The following N4BP2 variants were observed in gnomAD, a reference collection of about 807,000 sequenced individuals.
The protein encoded by N4BP2 is NEDD4 binding protein 2, also known as NEDD4-binding protein 2.
Under a neutral mutation model 152.8 loss-of-function variants are expected in N4BP2, and 91 were observed. The ratio of observed to expected loss-of-function variants is 0.60; its 90% confidence interval spans 0.50 to 0.71. The LOEUF (loss-of-function observed/expected upper bound fraction) is 0.71. Among genes scored for constraint, N4BP2 ranks in the 30% least tolerant of loss-of-function variants. The pLI is 0.00. For synonymous variants in N4BP2, 646 were observed against 705.3 expected, an observed-to-expected ratio of 0.92 and a Z score of 1.33; for missense variants, 1,923 against 2,059.1, an observed-to-expected ratio of 0.93 and a Z score of 1.28.
rs752289474 is a variant in N4BP2 at position 40,120,732 on chromosome 4, T to C, written c.2621T>C (p.Ile874Thr). ...NSYKYDAYKN[I>T]DKNSFNIMGD... Reference sequence around the variant, plus strand: ...TATAAATATGATGCTTATAAAAATATTGACAAAAACTCATTCAACATTATG... The same window carrying C: ...TATAAATATGATGCTTATAAAAATACTGACAAAAACTCATTCAACATTATG... Residue 874 changes from isoleucine to threonine, a missense_variant, in exon 9 of 18, where the codon ATT becomes ACT. Coordinates refer to ENST00000261435, the MANE Select transcript of N4BP2 (RefSeq NM_018177.6). 3 of 1,614,096 alleles carry C rather than the reference T, an allele frequency of 1.9e-6. No individual in the cohort carries two copies. Among genetic ancestry groups the C allele is most frequent in the Non-Finnish European group, 2.5e-6 (3 of 1,180,004 alleles).
chr4:40,167,255 A>G, the N4BP2 span: 1 of 152,208 alleles, frequency 6.6e-6, no homozygotes, highest in African/African-American at 2.4e-5. Flanking sequence ...CCAGAGTGAA[A>G]TACAAGAGAA....
chr4:40,102,273 A>T lies in N4BP2; in HGVS notation c.428A>T (p.Asp143Val). 1 of 1,613,592 alleles carries T rather than the reference A, an allele frequency of 6.2e-7. No individual in the cohort carries two copies. The highest frequency in any genetic ancestry group is 8.5e-7 in the Non-Finnish European group (1 of 1,179,788). The change falls in exon 4 of 18, where the codon GAT becomes GTT. Residue 143 changes from aspartate (D) to valine (V), a missense_variant. Asp to Val is a radical substitution (Grantham distance 152, BLOSUM62 -3). Transcript: ENST00000261435. ...GACATGCAGCTAACTGAAGACCTGGATTCCTTAATACAGAATGCTTTTGAG... is the reference window on the plus strand; with the variant it reads ...GACATGCAGCTAACTGAAGACCTGGTTTCCTTAATACAGAATGCTTTTGAG... ...FLDMQLTEDL[D>V]SLIQNAFEKL... is the part of the protein sequence containing the mutation.
intron 2 of N4BP2, among the ~76,000 whole-genome samples, chr4:40,080,991 T>A (rs1193393928): frequency 6.6e-6 from 1 of 151,740 alleles, no homozygotes; most frequent in African/African-American, 2.4e-5. Context: ...ACACTAAACA[T>A]TATTTGGACA....
intron 5 of N4BP2, among the ~76,000 whole-genome samples, chr4:40,107,564 T>C (rs1337479448): frequency 6.6e-6 from 1 of 151,838 alleles, no homozygotes; most frequent in Non-Finnish European, 1.5e-5. Context: ...TTGTATTTTT[T>C]ATAGAGACGG....
intron 1 of N4BP2, among the ~76,000 whole-genome samples, chr4:40,069,032 A>T (rs563209040): frequency 6.6e-6 from 1 of 152,136 alleles, no homozygotes. Flanking sequence ...AGGCAGGAGA[A>T]TCGCTTGAAC....
chr4:40,125,952 A>G (rs1178661522), intron 11 of N4BP2, among the ~76,000 whole-genome samples, 182 bp from the exon 12 acceptor site: 1 of 152,136 alleles, frequency 6.6e-6, no homozygotes, highest in African/African-American at 2.4e-5. Context: ...ACATTAACAC[A>G]TACTATTTCT....
the N4BP2 span, among the ~76,000 whole-genome samples, chr4:40,165,051 G>T: frequency 6.6e-6 from 1 of 151,790 alleles, no homozygotes; most frequent in African/African-American, 2.4e-5. Context: ...ATAATTTTTG[G>T]CAGTGGGTTA....
At chr4:40,095,042 C>T (rs2109948130) in intron 2 of N4BP2, among the ~76,000 whole-genome samples, 4 of 150,722 alleles carry the variant, frequency 2.7e-5, no homozygotes, top group Admixed American at 2.6e-4. Flanking sequence ...GTCCAACGTG[C>T]TGGGATTACA....
chr4:40,164,860 CTATT>C, the N4BP2 span, among the ~76,000 whole-genome samples: 3 of 152,058 alleles, frequency 2.0e-5, no homozygotes, highest in African/African-American at 7.2e-5. Flanking sequence ...TGTGGTTTCC[CTATT>C]TATTTAAACA....
intron 7 of N4BP2, 25 bp from the exon 8 acceptor site, chr4:40,117,844 C>A: frequency 6.3e-7 from 1 of 1,575,696 alleles, no homozygotes; most frequent in South Asian, 1.2e-5. Flanking sequence ...ATTCCTTCAA[C>A]CCTTTTTTCC....
intron 2 of N4BP2, among the ~76,000 whole-genome samples, chr4:40,078,416 T>C (rs1209914771): frequency 6.6e-6 from 1 of 151,532 alleles, no homozygotes; most frequent in Non-Finnish European, 1.5e-5. Flanking sequence ...GGATTACAGA[T>C]GTGAGCCACC....
At chr4:40,170,627 AG>A in the N4BP2 span, among the ~76,000 whole-genome samples, 1 of 152,102 alleles carries the variant, frequency 6.6e-6, no homozygotes, top group Admixed American at 6.5e-5. Context: ...TGACCAAGTG[AG>A]ACCCTGTCCC....
chr4:40,162,267 G>A (rs77772797), downstream of N4BP2, among the ~76,000 whole-genome samples: 2 of 152,214 alleles, frequency 1.3e-5, no homozygotes, highest in African/African-American at 4.8e-5. Context: ...TTCTGGGGGC[G>A]AAGGCAGGCA....
At chr4:40,182,671 A>AAT in the N4BP2 span, among the ~76,000 whole-genome samples, 24 of 150,372 alleles carry the variant, frequency 1.6e-4, no homozygotes, top group Non-Finnish European at 2.7e-4. Flanking sequence ...TGGTCCATTT[A>AAT]ATATATATAT....
chr4:40,122,384 T>C, intron 9 of N4BP2, 75 bp downstream of exon 9: 1 of 1,090,732 alleles, frequency 9.2e-7, no homozygotes. Flanking sequence ...TGTATTTTTT[T>C]TTTTTCTGAG....
At chr4:40,181,170 T>C in the N4BP2 span, among the ~76,000 whole-genome samples, 4 of 151,990 alleles carry the variant, frequency 2.6e-5, no homozygotes, top group South Asian at 4.2e-4. Flanking sequence ...AAAATATATA[T>C]ACATTGGCCA....
downstream of N4BP2, among the ~76,000 whole-genome samples, chr4:40,159,448 C>A (rs1721795780): frequency 6.6e-6 from 1 of 152,202 alleles, no homozygotes; most frequent in Admixed American, 6.5e-5. Flanking sequence ...GAAAGTTCAT[C>A]ATTCTGCCAT....
At chr4:40,107,096 T>G (rs1407646457) in intron 5 of N4BP2, 72 bp downstream of exon 5, 1 of 1,528,740 alleles carries the variant, frequency 6.5e-7, no homozygotes. Context: ...AGTATTTGTT[T>G]GTGTGTTTGT....
intron 15 of N4BP2, 38 bp from the exon 16 acceptor site, chr4:40,144,594 C>T (rs763319774): frequency 3.3e-6 from 5 of 1,534,972 alleles, no homozygotes; most frequent in Admixed American, 2.0e-5. Flanking sequence ...AAGTAGCAAA[C>T]AGCAAAACTG....
Sources: gnomAD v4.1 joint callset for allele counts (sites outside exome capture counted in the v4.1 genomes callset) on GRCh38, gnomAD v4.1.1 for gene constraint, MANE v1.5 for transcripts, NCBI Gene and HGNC (gene_info 2026-07-23, HGNC 2026-07-21) for gene names.